SLC35E1: variants seen among roughly 807,000 people sequenced by gnomAD.
SLC35E1 encodes the protein solute carrier family 35 member E1, also known as solute carrier family 35, member E1.
Under a neutral mutation model 31.0 loss-of-function variants are expected in SLC35E1, and 12 were observed. That is an observed-to-expected ratio of 0.39 (90% CI 0.25 to 0.63). The LOEUF (loss-of-function observed/expected upper bound fraction) is 0.63. SLC35E1 is among the 20% of genes least tolerant of loss of function. The pLI, the probability that SLC35E1 is intolerant of heterozygous loss-of-function variation, is 0.52. For missense variants in SLC35E1, 429 were observed against 572.2 expected (o/e 0.75, Z 2.55); for synonymous variants, 257 against 264.1 (o/e 0.97, Z 0.26).
At position 16,561,106 on chromosome 19, in the gene SLC35E1, T is replaced by C. The variant is rs1319016653; in HGVS notation, c.756+5426A>G. On this transcript the variant is annotated intron_variant, in intron 4 of 5. Coordinates refer to ENST00000595753, the MANE Select transcript of SLC35E1 (RefSeq NM_024881.5). ...GCATGTGCCTGTAATCCCAGCTATATGGGAGGCTGGGGCAGGACAATCTCT... is the reference window on the plus strand; with the variant it reads ...GCATGTGCCTGTAATCCCAGCTATACGGGAGGCTGGGGCAGGACAATCTCT... Among the ~76,000 whole-genome samples, 3 of 142,840 alleles carry C rather than the reference T, an allele frequency of 2.1e-5. No homozygotes were observed. In the East Asian group the frequency reaches 6.2e-4, roughly 29 times the overall value. 93.7% of individuals were successfully genotyped at this position (142,840 alleles called of 152,430 possible). A position where few individuals can be genotyped will look rare whatever the true frequency, so the allele number is the denominator to read the frequency against.
chr19:16,557,342 C>T (rs1309406903), intron 4 of SLC35E1, among the ~76,000 whole-genome samples: 4 of 152,150 alleles, frequency 2.6e-5, no homozygotes, highest in African/African-American at 7.2e-5. Flanking sequence ...TACAGGCGCC[C>T]GCCACCGCGC....
At chr19:16,569,900 G>C (rs2122351408) in intron 2 of SLC35E1, among the ~76,000 whole-genome samples, 1 of 152,232 alleles carries the variant, frequency 6.6e-6, no homozygotes, top group East Asian at 1.9e-4. Flanking sequence ...AGGAGGGAGT[G>C]GTCATGCCAC....
intron 2 of SLC35E1, among the ~76,000 whole-genome samples, chr19:16,569,191 ATTTTT>A (rs2085945959): frequency 6.6e-6 from 1 of 151,958 alleles, no homozygotes; most frequent in South Asian, 2.1e-4. Flanking sequence ...CGCCCAACTA[ATTTTT>A]GTATTTTTAG....
chr19:16,572,280 G>C lies in SLC35E1; in HGVS notation c.85C>G (p.Arg29Gly). 6.7e-7 allele frequency: 1 copy of C among 1,491,958 alleles called. No homozygotes were observed. The highest frequency in any genetic ancestry group is 8.9e-7 in the Non-Finnish European group (1 of 1,119,218). 92.4% of individuals were successfully genotyped at this position (1,491,958 alleles called of 1,614,324 possible). A position where few individuals can be genotyped will look rare whatever the true frequency, so the allele number is the denominator to read the frequency against. The change falls in exon 1 of 6, where the codon CGG becomes GGG. Residue 29 changes from arginine (R) to glycine (G), a missense_variant. Coordinates refer to ENST00000595753, the MANE Select transcript of SLC35E1 (RefSeq NM_024881.5). The surrounding 1 kb of genome is among the most constrained non-coding windows in gnomAD (Gnocchi z 4.1). ...SSSGGAREGA[R>G]VAALCLLWYA... ...CACAGCAGGCACAGCGCCGCCACCCGCGCGCCCTCGCGCGCCCCACCACTG... is the reference window on the plus strand; with the variant it reads ...CACAGCAGGCACAGCGCCGCCACCCCCGCGCCCTCGCGCGCCCCACCACTG...
At chr19:16,554,957 T>C (rs1020885194) in intron 5 of SLC35E1, among the ~76,000 whole-genome samples, 195 bp downstream of exon 5, 3 of 152,118 alleles carry the variant, frequency 2.0e-5, no homozygotes, top group African/African-American at 4.8e-5. Context: ...CCGGAATGAT[T>C]TGAGGACCTG....
intron 2 of SLC35E1, 82 bp from the exon 3 acceptor site, chr19:16,568,251 C>T (rs1336258072): frequency 6.8e-7 from 1 of 1,471,500 alleles, no homozygotes. Flanking sequence ...GGAAGAGCCC[C>T]TCTCCTCCCT....
At chr19:16,568,721 C>A (rs1168647033) in intron 2 of SLC35E1, among the ~76,000 whole-genome samples, 2 of 152,116 alleles carry the variant, frequency 1.3e-5, no homozygotes, top group African/African-American at 4.8e-5. Flanking sequence ...TTAGTAGAGA[C>A]AGGATTTCGC....
intron 2 of SLC35E1, among the ~76,000 whole-genome samples, chr19:16,568,640 C>T (rs55898802): frequency 0.15 from 22,599 of 152,090 alleles, 2,477 homozygotes; most frequent in African/African-American, 0.31. Flanking sequence ...AAGCGATTCT[C>T]CTGCCTCAGA....
In SLC35E1 at chr19:16,572,148, G is replaced by A. The variant is rs2085963184; in HGVS notation, c.217C>T (p.Leu73Phe). 3 of 1,513,040 alleles carry A rather than the reference G, an allele frequency of 2.0e-6. No individual in the cohort carries two copies. Among genetic ancestry groups the A allele is most frequent in the East Asian group, 2.8e-5 (1 of 36,154 alleles). The allele number at this position is 1,513,040 out of a possible 1,614,324, so 93.7% of individuals were successfully genotyped here. ...CGCCAGGCGCGCAGCAGCGGCGGGAGCCCAGCGCACAGAGCCAGGATGTGG... is the reference window on the plus strand; with the variant it reads ...CGCCAGGCGCGCAGCAGCGGCGGGAACCCAGCGCACAGAGCCAGGATGTGG... ...LCHILALCAGLPPLLRAWRVP... is the reference protein window; with the variant it reads ...LCHILALCAGFPPLLRAWRVP... Residue 73 changes from leucine (L) to phenylalanine (F), a missense_variant, in exon 1 of 6, where the codon CTC (leucine) becomes TTC (phenylalanine). Physicochemically the swap from Leu to Phe is conservative, Grantham distance 22. Coordinates refer to ENST00000595753, the MANE Select transcript of SLC35E1 (RefSeq NM_024881.5). This position sits in a 1 kb window ranked among gnomAD's most constrained non-coding sequence, Gnocchi z 4.1.
chr19:16,571,213 T>G (rs1000772901), intron 2 of SLC35E1, among the ~76,000 whole-genome samples: 1 of 151,928 alleles, frequency 6.6e-6, no homozygotes, highest in African/African-American at 2.4e-5. Context: ...ACCCATCACC[T>G]ACCAGCAAAC....
At chr19:16,556,753 C>T (rs903095040) in intron 4 of SLC35E1, among the ~76,000 whole-genome samples, 47 of 152,170 alleles carry the variant, frequency 3.1e-4, no homozygotes, top group Non-Finnish European at 2.6e-4. Flanking sequence ...CCAGGGTGAC[C>T]GTGATTGGCG....
At chr19:16,556,640 G>A (rs1055824346) in intron 4 of SLC35E1, among the ~76,000 whole-genome samples, 3 of 152,208 alleles carry the variant, frequency 2.0e-5, no homozygotes, top group Admixed American at 6.5e-5. Context: ...GCCTAGGCTG[G>A]TCCCAGGACA....
rs1011672752 is a variant in SLC35E1 at position 16,572,390 on chromosome 19, G to A, written c.-26C>T. ...CCTGCCCGAGCGGCCGCCCCTTCCA[G>A]CCCGTCCGACGGCCCGACGCCGGGC... On this transcript the variant is annotated 5_prime_UTR_variant, in exon 1 of 6. Coordinates refer to ENST00000595753, the MANE Select transcript of SLC35E1 (RefSeq NM_024881.5). This position sits in a 1 kb window ranked among gnomAD's most constrained non-coding sequence, Gnocchi z 4.1. 5 of 994,314 alleles carry A rather than the reference G, an allele frequency of 5.0e-6. No homozygotes were observed. The African/African-American group carries it at 7.0e-5, about 14-fold the overall frequency. The allele number at this position is 994,314 out of a possible 1,614,324, so 61.6% of individuals were successfully genotyped here. A position where few individuals can be genotyped will look rare whatever the true frequency, so the allele number is the denominator to read the frequency against.
In SLC35E1 at chr19:16,571,136, T is replaced by G. The variant is rs527605080; in HGVS notation, c.492+376A>C. Among the ~76,000 whole-genome samples, 4 of 151,014 alleles carry G rather than the reference T, an allele frequency of 2.6e-5. No individual in the cohort carries two copies. In the East Asian group the frequency reaches 7.8e-4, roughly 29 times the overall value. On this transcript the variant is annotated intron_variant, in intron 2 of 5. Coordinates refer to ENST00000595753, the MANE Select transcript of SLC35E1 (RefSeq NM_024881.5). Reference sequence around the variant, plus strand: ...AAAGTGAACACCTAACCGACAGCGTTCTGATCCATCCATCCCTAGTCCCAC... The same window carrying G: ...AAAGTGAACACCTAACCGACAGCGTGCTGATCCATCCATCCCTAGTCCCAC...
intron 3 of SLC35E1, among the ~76,000 whole-genome samples, chr19:16,567,228 C>T (rs1331365019): frequency 6.6e-6 from 1 of 152,200 alleles, no homozygotes; most frequent in Admixed American, 6.5e-5. Flanking sequence ...TTCCTATTGC[C>T]TAGGCTGGTC....
chr19:16,554,627 C>A (rs115315496), intron 5 of SLC35E1, among the ~76,000 whole-genome samples: 4 of 152,008 alleles, frequency 2.6e-5, no homozygotes, highest in Admixed American at 6.6e-5. Flanking sequence ...TGGAGGCTGG[C>A]CTGGCCAAGA....
In SLC35E1 at chr19:16,555,245, G is replaced by A. The variant is rs2085869686; in HGVS notation, c.909C>T (p.Ile303=). 6.2e-7 allele frequency: 1 copy of A among 1,614,220 alleles called. No individual in the cohort carries two copies. ...VANATKRIMV[I]TVSLIMLRNP... is the part of the protein sequence containing the mutation. ...TGCGCAGCATGATCAGGGACACCGT[G>A]ATGACCATGATTCTTTTGGTGGCAT... The change falls in exon 5 of 6, where the codon ATC becomes ATT. Residue 303 remains isoleucine, a synonymous_variant. Transcript: ENST00000595753. The surrounding 1 kb of genome is among the most constrained non-coding windows in gnomAD (Gnocchi z 4.1).
At chr19:16,556,627 AG>A (rs1477718362) in intron 4 of SLC35E1, among the ~76,000 whole-genome samples, 1 of 152,246 alleles carries the variant, frequency 6.6e-6, no homozygotes, top group African/African-American at 2.4e-5. Flanking sequence ...AATCCCCCAA[AG>A]AGCCTAGGCT....
intron 4 of SLC35E1, among the ~76,000 whole-genome samples, chr19:16,560,952 A>C (rs1032270218): frequency 6.9e-6 from 1 of 145,030 alleles, no homozygotes; most frequent in African/African-American, 2.6e-5. Context: ...CTGTAATCCT[A>C]TCTCTTTGGG....
Sources: gnomAD v4.1 joint callset for allele counts (sites outside exome capture counted in the v4.1 genomes callset) on GRCh38, gnomAD v4.1.1 for gene constraint, Gnocchi (gnomAD v3.1) non-coding constraint, MANE v1.5 for transcripts, NCBI Gene and HGNC (gene_info 2026-07-23, HGNC 2026-07-21) for gene names.